Variants in TBC1D4 observed in about 807,000 individuals in gnomAD.
TBC1D4 encodes the protein TBC (Tre-2, BUB2, CDC16) domain-containing protein.
Under a neutral mutation model 142.5 loss-of-function variants are expected in TBC1D4, and 121 were observed. The observed-to-expected ratio is 0.85, with a 90% confidence interval of 0.73 to 0.99. TBC1D4 has a LOEUF of 0.99. Ranked by LOEUF, TBC1D4 falls within the 50% of genes least tolerant of loss-of-function variation. The pLI is 0.00. For synonymous variants in TBC1D4, 630 were observed against 628.2 expected (o/e 1.00, Z -0.04); for missense variants, 1,475 against 1,606.6 (o/e 0.92, Z 1.40).
At chr13:75,434,784 G>A (rs1886729950) in intron 1 of TBC1D4, among the ~76,000 whole-genome samples, 1 of 151,698 alleles carries the variant, frequency 6.6e-6, no homozygotes, top group Non-Finnish European at 1.5e-5. Context: ...AAAGTTCTGA[G>A]AGTTTCACAG....
chr13:75,379,944 T>C (rs1213066587), intron 1 of TBC1D4, among the ~76,000 whole-genome samples: 1 of 135,236 alleles, frequency 7.4e-6, no homozygotes, highest in African/African-American at 2.7e-5. Flanking sequence ...CTTGCTCTGT[T>C]GCCCAGGCTG....
intron 1 of TBC1D4, among the ~76,000 whole-genome samples, chr13:75,379,261 T>C (rs947369864): frequency 9.3e-5 from 14 of 151,060 alleles, no homozygotes; most frequent in African/African-American, 3.0e-4. Flanking sequence ...CATACACACA[T>C]GCACACACAC....
intron 17 of TBC1D4, among the ~76,000 whole-genome samples, chr13:75,297,652 G>C (rs1410022425): frequency 1.3e-5 from 2 of 151,870 alleles, no homozygotes; most frequent in Non-Finnish European, 2.9e-5. Flanking sequence ...AGCTACTCGG[G>C]AGGCTGAGGC....
chr13:75,391,495 T>C (rs907325986), intron 1 of TBC1D4, among the ~76,000 whole-genome samples: 1 of 152,170 alleles, frequency 6.6e-6, no homozygotes, highest in Non-Finnish European at 1.5e-5. Flanking sequence ...TGGAGTACAT[T>C]TGACAGAAGA....
At chr13:75,408,102 G>A (rs950698415) in intron 1 of TBC1D4, among the ~76,000 whole-genome samples, 4 of 152,002 alleles carry the variant, frequency 2.6e-5, no homozygotes, top group South Asian at 2.1e-4. Context: ...GTCACCAATC[G>A]CACCTCCATA....
intron 1 of TBC1D4, among the ~76,000 whole-genome samples, chr13:75,429,721 G>A (rs75117806): frequency 0.014 from 2,191 of 152,134 alleles, 55 homozygotes; most frequent in African/African-American, 0.05. Flanking sequence ...AAACACCTGA[G>A]AGAAATTGGA....
chr13:75,454,154 TGGGACTACA>T (rs1477557213), intron 1 of TBC1D4, among the ~76,000 whole-genome samples: 1 of 151,996 alleles, frequency 6.6e-6, no homozygotes, highest in Non-Finnish European at 1.5e-5. Flanking sequence ...CCTGGGAGCC[TGGGACTACA>T]GGTGTGCCAC....
At position 75,481,621 on chromosome 13, in the gene TBC1D4, C is replaced by T. The variant is rs1438326790; in HGVS notation, c.147G>A (p.Arg49=). 3 of 1,608,650 alleles carry T rather than the reference C, an allele frequency of 1.9e-6. No individual in the cohort carries two copies. Among genetic ancestry groups the T allele is most frequent in the African/African-American group, 1.3e-5 (1 of 74,730 alleles). Residue 49 remains arginine (R), a synonymous_variant, in exon 1 of 21, where the codon AGG becomes AGA. Transcript: ENST00000377636. ...GCCAGGGCAGCATAGGCAGCGTGGTCCTGTGGTCCAGGCACGACCCCCCAA... is the reference window on the plus strand; with the variant it reads ...GCCAGGGCAGCATAGGCAGCGTGGTTCTGTGGTCCAGGCACGACCCCCCAA... ...WYVGGSCLDH[R]TTLPMLPWLM...
chr13:75,371,678 C>T (rs1883231145), intron 1 of TBC1D4, among the ~76,000 whole-genome samples: 1 of 152,136 alleles, frequency 6.6e-6, no homozygotes, highest in Non-Finnish European at 1.5e-5. Context: ...CTAAATGTGA[C>T]CCCTACATGG....
chr13:75,329,479 T>C (rs1294757307), intron 8 of TBC1D4, among the ~76,000 whole-genome samples: 1 of 151,220 alleles, frequency 6.6e-6, no homozygotes, highest in Non-Finnish European at 1.5e-5. Context: ...GCTACCATTA[T>C]GGAGACCTCT....
rs1407053300 is a variant in TBC1D4 at position 75,481,648 on chromosome 13, G to A, written c.120C>T (p.Tyr40=). The change falls in exon 1 of 21, where the codon TAC becomes TAT. Residue 40 remains tyrosine, a synonymous_variant. Transcript: ENST00000377636. ...TGTGGTCCAGGCACGACCCCCCAAC[G>A]TACCACAGCCGGAACCGCTTATCGC... ...KPSDKRFRLW[Y]VGGSCLDHRT... is the part of the protein sequence containing the mutation. The A allele has an allele frequency of 3.1e-6, 5 of 1,604,244 alleles. No homozygotes were observed. The highest frequency in any genetic ancestry group is 2.7e-5 in the African/African-American group (2 of 74,310).
chr13:75,369,154 T>C (rs2030105333), intron 1 of TBC1D4, among the ~76,000 whole-genome samples: 1 of 152,162 alleles, frequency 6.6e-6, no homozygotes, highest in South Asian at 2.1e-4. Context: ...AGAAGTCATA[T>C]GACAAAGGAG....
intron 17 of TBC1D4, among the ~76,000 whole-genome samples, 168 bp from the exon 18 acceptor site, chr13:75,295,181 A>G (rs2137853920): frequency 6.6e-6 from 1 of 152,354 alleles, no homozygotes. Context: ...AGTTCACTTA[A>G]CTGAATTCAT....
At chr13:75,387,114 A>T (rs932060505) in intron 1 of TBC1D4, among the ~76,000 whole-genome samples, 3 of 152,042 alleles carry the variant, frequency 2.0e-5, no homozygotes, top group African/African-American at 7.2e-5. Context: ...TTATATAATA[A>T]ATATTTTATG....
At chr13:75,466,849 G>T (rs1293049410) in intron 1 of TBC1D4, among the ~76,000 whole-genome samples, 1 of 151,042 alleles carries the variant, frequency 6.6e-6, no homozygotes, top group Non-Finnish European at 1.5e-5. Flanking sequence ...CCAGCCTCGT[G>T]ACAAAGTGAG....
Position 75,347,667 on chromosome 13 carries a change from A to G in TBC1D4, c.1408+1503T>C, listed in dbSNP as rs544538475. ...TATAAGCAATCTTTGCCCTTTTGGG[A>G]TGGCTAATTGATCCAACACTATCTC... is the stretch of plus-strand genomic sequence containing the variant. On this transcript the variant is annotated intron_variant, in intron 5 of 20. Transcript: ENST00000377636. Among the ~76,000 whole-genome samples, 24 of 152,274 alleles carry G rather than the reference A, an allele frequency of 1.6e-4. No homozygotes were observed. In the South Asian group the frequency reaches 5.0e-3, roughly 32 times the overall value.
At chr13:75,444,209 G>C (rs1006657271) in intron 1 of TBC1D4, among the ~76,000 whole-genome samples, 4 of 152,094 alleles carry the variant, frequency 2.6e-5, no homozygotes, top group Non-Finnish European at 4.4e-5. Flanking sequence ...CTACAACTTT[G>C]AACTCCTGAG....
chr13:75,429,278 C>T (rs1253173137), intron 1 of TBC1D4, among the ~76,000 whole-genome samples: 1 of 152,174 alleles, frequency 6.6e-6, no homozygotes, highest in East Asian at 1.9e-4. Flanking sequence ...CTATGGAAGG[C>T]AAAGTAAAAT....
chr13:75,297,549 G>A (rs529825819), intron 17 of TBC1D4, among the ~76,000 whole-genome samples: 3 of 152,082 alleles, frequency 2.0e-5, no homozygotes, highest in Non-Finnish European at 4.4e-5. Flanking sequence ...AGGTCCGGAA[G>A]TTTGAGACCA....
Sources: gnomAD v4.1 joint callset for allele counts (sites outside exome capture counted in the v4.1 genomes callset) on GRCh38, gnomAD v4.1.1 for gene constraint, MANE v1.5 for transcripts, NCBI Gene and HGNC (gene_info 2026-07-23, HGNC 2026-07-21) for gene names.